The following SLC45A1 variants were observed in gnomAD, a reference collection of about 807,000 sequenced individuals.
SLC45A1 encodes solute carrier family 45 member 1.
A neutral mutation model predicts 57.6 loss-of-function variants in SLC45A1; 28 were observed. That is an observed-to-expected ratio of 0.49 (90% CI 0.36 to 0.67). The LOEUF is 0.67. Ranked by LOEUF, SLC45A1 falls within the 30% of genes least tolerant of loss-of-function variation. SLC45A1 has a pLI of 0.00. For synonymous variants in SLC45A1, 459 were observed against 471.5 expected (o/e 0.97, Z 0.34); for missense variants, 814 against 1,041.5 (o/e 0.78, Z 3.01).
Position 8,330,530 on chromosome 1 carries a change from C to A in SLC45A1, c.1037C>A (p.Pro346His). Residue 346 changes from proline (P) to histidine (H), a missense_variant, in exon 5 of 9, where the codon CCC becomes CAC. By Grantham distance (77) the Pro-to-His change is moderately conservative (BLOSUM62 -2). Coordinates refer to ENST00000471889, the MANE Select transcript of SLC45A1 (RefSeq NM_001080397.3). This position sits in a 1 kb window ranked among gnomAD's most constrained non-coding sequence, Gnocchi z 8.4. ...SPISPPSPLTPKYGSFISRDS... is the reference protein window; with the variant it reads ...SPISPPSPLTHKYGSFISRDS... Reference sequence around the variant, plus strand: ...ATCTCGCCGCCCAGCCCCCTCACGCCCAAGTACGGCAGCTTCATCAGCAGG... The same window carrying A: ...ATCTCGCCGCCCAGCCCCCTCACGCACAAGTACGGCAGCTTCATCAGCAGG... The A allele has an allele frequency of 6.2e-7, 1 of 1,613,450 alleles. No homozygotes were observed.
chr1:8,337,612 G>T (rs979259981), intron 6 of SLC45A1, among the ~76,000 whole-genome samples: 1 of 152,122 alleles, frequency 6.6e-6, no homozygotes, highest in Admixed American at 6.5e-5. Flanking sequence ...TAGAGACGGG[G>T]TTTCACCATG....
chr1:8,318,312 G>A (rs1347825000), intron 1 of SLC45A1, 126 bp downstream of exon 1: 1 of 395,280 alleles, frequency 2.5e-6, no homozygotes, highest in Non-Finnish European at 4.5e-6. Context: ...GGAGACCTTT[G>A]TTCCTCGTGG....
chr1:8,319,720 T>G (rs116207281), intron 1 of SLC45A1, among the ~76,000 whole-genome samples: 2,066 of 152,132 alleles, frequency 0.014, 54 homozygotes, highest in African/African-American at 0.046. Context: ...TTGTTGTTGT[T>G]GTTGTTGTTT....
rs768910859 is a variant in SLC45A1 at position 8,330,951 on chromosome 1, C to T, written c.1443+15C>T. ...TCAGTCAGCAGGTAACAGCAAATGT[C>T]GGGGGAGCTGAGGCTCAGAGGGTGG... On this transcript the variant is annotated intron_variant, in intron 5 of 8. Coordinates refer to ENST00000471889, the MANE Select transcript of SLC45A1 (RefSeq NM_001080397.3). This position sits in a 1 kb window ranked among gnomAD's most constrained non-coding sequence, Gnocchi z 8.4. 1.3e-5 allele frequency: 21 copies of T among 1,565,160 alleles called. No individual in the cohort carries two copies. Among genetic ancestry groups the T allele is most frequent in the African/African-American group, 5.4e-5 (4 of 73,830 alleles).
intron 6 of SLC45A1, among the ~76,000 whole-genome samples, chr1:8,337,212 G>A (rs939697257): frequency 6.6e-6 from 1 of 152,174 alleles, no homozygotes; most frequent in Non-Finnish European, 1.5e-5. Flanking sequence ...GGCATGTGCA[G>A]GGGAACTCCC....
chr1:8,330,373 C>A lies in SLC45A1; in HGVS notation c.880C>A (p.Arg294=). ...TLVSIPERPL[R]PPSEKRAAMK... ...GGTCAGCATCCCTGAGAGGCCGCTG[C>A]GGCCGCCGAGTGAGAAGCGGGCAGC... is the stretch of plus-strand genomic sequence containing the variant. The change falls in exon 5 of 9, where the codon CGG becomes AGG. Residue 294 remains arginine (R), a synonymous_variant. Coordinates refer to ENST00000471889, the MANE Select transcript of SLC45A1 (RefSeq NM_001080397.3). The surrounding 1 kb of genome is among the most constrained non-coding windows in gnomAD (Gnocchi z 8.4). 2 of 1,612,966 alleles carry A rather than the reference C, an allele frequency of 1.2e-6. No homozygotes were observed. Among genetic ancestry groups the A allele is most frequent in the Non-Finnish European group, 1.7e-6 (2 of 1,179,928 alleles).
Position 8,325,837 on chromosome 1 carries a change from G to A in SLC45A1, c.510G>A (p.Ser170=), listed in dbSNP as rs771042155. ...GTCCAGGGGCACTGCTGGGCCTCTC[G>A]CTCTTGCTGAATGGCCGGGACATTG... ...VLAIGALLGL[S]LLLNGRDIGI... Residue 170 remains serine (S), a synonymous_variant, in exon 4 of 9, where the codon TCG becomes TCA. Coordinates refer to ENST00000471889, the MANE Select transcript of SLC45A1 (RefSeq NM_001080397.3). This position sits in a 1 kb window ranked among gnomAD's most constrained non-coding sequence, Gnocchi z 6.3. The A allele has an allele frequency of 3.7e-6, 6 of 1,613,366 alleles. No individual in the cohort carries two copies. The highest frequency in any genetic ancestry group is 2.2e-5 in the South Asian group (2 of 91,080).
intron 5 of SLC45A1, among the ~76,000 whole-genome samples, chr1:8,333,087 G>A (rs1177520530): frequency 1.3e-5 from 2 of 152,028 alleles, no homozygotes; most frequent in African/African-American, 2.4e-5. Flanking sequence ...TGCTCTGCCC[G>A]GCCCCATCCC....
At chr1:8,339,264 C>G (rs1299509496) in intron 7 of SLC45A1, among the ~76,000 whole-genome samples, 1 of 152,228 alleles carries the variant, frequency 6.6e-6, no homozygotes, top group Non-Finnish European at 1.5e-5. Flanking sequence ...CACCCTGGTC[C>G]TGCCATCTAT....
intron 5 of SLC45A1, among the ~76,000 whole-genome samples, chr1:8,333,869 A>G (rs1640506399): frequency 6.6e-6 from 1 of 152,252 alleles, no homozygotes; most frequent in Non-Finnish European, 1.5e-5. Flanking sequence ...CAGGCCTCAC[A>G]GGGACATCTG....
Position 8,326,183 on chromosome 1 carries a change from G to A in SLC45A1, c.715+141G>A, listed in dbSNP as rs1485070335. 3.1e-6 allele frequency: 2 copies of A among 653,642 alleles called. No homozygotes were observed. The allele number at this position is 653,642 out of a possible 1,614,324, so 40.5% of individuals were successfully genotyped here. The stretch of plus-strand genomic sequence containing the variant: ...TACATGGAGAAACACTGAAGTGATT[G>A]AAAATACATATCTCACACAACACAT... On this transcript the variant is annotated intron_variant, in intron 4 of 8. Coordinates refer to ENST00000471889, the MANE Select transcript of SLC45A1 (RefSeq NM_001080397.3). This position sits in a 1 kb window ranked among gnomAD's most constrained non-coding sequence, Gnocchi z 5.5.
In SLC45A1 at chr1:8,330,964, G is replaced by A; in HGVS notation, c.1443+28G>A. 6.5e-7 allele frequency: 1 copy of A among 1,549,872 alleles called. No individual in the cohort carries two copies. The highest frequency in any genetic ancestry group is 8.7e-7 in the Non-Finnish European group (1 of 1,147,534). ...AACAGCAAATGTCGGGGGAGCTGAG[G>A]CTCAGAGGGTGGCATTCGGGGGTCC... On this transcript the variant is annotated intron_variant, in intron 5 of 8. Transcript: ENST00000471889. This position sits in a 1 kb window ranked among gnomAD's most constrained non-coding sequence, Gnocchi z 8.4.
chr1:8,342,439 T>A (rs896191907), intron 8 of SLC45A1, among the ~76,000 whole-genome samples: 1 of 152,034 alleles, frequency 6.6e-6, no homozygotes, highest in Non-Finnish European at 1.5e-5. Flanking sequence ...ACCCTCCCAC[T>A]CTCCCAGGCC....
chr1:8,331,796 CTT>C (rs35070407), intron 5 of SLC45A1, among the ~76,000 whole-genome samples: 1 of 143,498 alleles, frequency 7.0e-6, no homozygotes. Context: ...AGTGACAACT[CTT>C]TTTTTTTTTT....
rs1640895623 is a variant in SLC45A1, at chr1:8,343,510, C to T, written c.1981-237C>T. Reference sequence around the variant, plus strand: ...GGAAAGTGTCTCCCGCCACCTCGGCCCGTGGGAGCTCAGCCCTCTGCCCCA... The same window carrying T: ...GGAAAGTGTCTCCCGCCACCTCGGCTCGTGGGAGCTCAGCCCTCTGCCCCA... On this transcript the variant is annotated intron_variant, in intron 8 of 8. Transcript: ENST00000471889. This position sits in a 1 kb window ranked among gnomAD's most constrained non-coding sequence, Gnocchi z 7.7. 1.3e-5 allele frequency among the ~76,000 whole-genome samples: 2 copies of T among 152,146 alleles called. No individual in the cohort carries two copies. Among genetic ancestry groups the T allele is most frequent in the Admixed American group, 1.3e-4 (2 of 15,274 alleles).
At position 8,330,570 on chromosome 1, in the gene SLC45A1, G is replaced by C. The variant is rs774616329; in HGVS notation, c.1077G>C (p.Thr359=). The stretch of plus-strand genomic sequence containing the variant: ...TCATCAGCAGGGACAGCTCCCTGAC[G>C]GGCATCAGCGAGTTCGCCTCATCCT... ...GSFISRDSSL[T]GISEFASSFG... The change falls in exon 5 of 9, where the codon ACG becomes ACC. Residue 359 remains threonine (T), a synonymous_variant. Transcript: ENST00000471889. The surrounding 1 kb of genome is among the most constrained non-coding windows in gnomAD (Gnocchi z 8.4). 14 of 1,613,422 alleles carry C rather than the reference G, an allele frequency of 8.7e-6. No individual in the cohort carries two copies. In the South Asian group the frequency reaches 1.5e-4, roughly 18 times the overall value.
rs576774483 is a variant in SLC45A1, at chr1:8,324,535, C to T, written c.206C>T (p.Pro69Leu). Residue 69 changes from proline to leucine, a missense_variant, in exon 2 of 9, where the codon CCG (proline) becomes CTG (leucine). Transcript: ENST00000471889. ...CCCCCGCCCCCCAACACCCCGTGCC[C>T]GCTTGAGCTGGTGGACTTCGGGGAC... is the stretch of plus-strand genomic sequence containing the variant. ...SPPPPPNTPC[P>L]LELVDFGDLH... 5.6e-5 allele frequency: 91 copies of T among 1,611,846 alleles called. No individual in the cohort carries two copies. Among genetic ancestry groups the T allele is most frequent in the East Asian group, 1.1e-4 (5 of 44,806 alleles).
chr1:8,321,059 G>A (rs1361654481), intron 1 of SLC45A1, among the ~76,000 whole-genome samples: 1 of 152,102 alleles, frequency 6.6e-6, no homozygotes, highest in East Asian at 1.9e-4. Flanking sequence ...CTCTATTTCT[G>A]TGCTTTTGAT....
At chr1:8,324,217 ACT>A (rs1640120979) in intron 1 of SLC45A1, 87 bp from the exon 2 acceptor site, 1 of 1,199,792 alleles carries the variant, frequency 8.3e-7, no homozygotes, top group East Asian at 2.3e-5. Flanking sequence ...ATGGTGTTTG[ACT>A]CTAAATTCTG....
Sources: allele counts gnomAD v4.1 joint callset (sites outside exome capture counted in the v4.1 genomes callset), GRCh38; gene constraint gnomAD v4.1.1; non-coding constraint Gnocchi (gnomAD v3.1); transcripts MANE v1.5; gene names NCBI Gene and HGNC (gene_info 2026-07-23, HGNC 2026-07-21).